MGAT4C: variants seen among roughly 807,000 people sequenced by gnomAD.
MGAT4C encodes MGAT4 family member C, also known as alpha-1,3-mannosyl-glycoprotein 4-beta-N-acetylglucosaminyltransferase C.
A neutral mutation model predicts 40.1 loss-of-function variants in MGAT4C; 19 were observed. The ratio of observed to expected loss-of-function variants is 0.47; its 90% CI spans 0.33 to 0.70. The LOEUF is 0.70. MGAT4C is among the 30% of genes least tolerant of loss of function. The pLI, the probability that MGAT4C is intolerant of heterozygous loss-of-function variation, is 0.02. For synonymous variants in MGAT4C, 181 were observed against 187.1 expected, an observed-to-expected ratio of 0.97 and a Z score of 0.27; for missense variants, 491 against 563.2, an observed-to-expected ratio of 0.87 and a Z score of 1.30.
At chr12:86,805,225 C>T (rs1566001817) in intron 1 of MGAT4C, among the ~76,000 whole-genome samples, 1 of 151,578 alleles carries the variant, frequency 6.6e-6, no homozygotes. Context: ...TTGTTTTTTA[C>T]TTTTATTTTA....
intron 2 of MGAT4C, among the ~76,000 whole-genome samples, chr12:86,641,082 C>T (rs527522614): frequency 2.6e-5 from 4 of 151,426 alleles, no homozygotes; most frequent in South Asian, 4.2e-4. Context: ...ATGTTTATTG[C>T]GGCACTATTC....
chr12:86,495,161 T>C (rs1430717112), intron 2 of MGAT4C: 1 of 152,032 alleles, frequency 6.6e-6, no homozygotes, highest in Non-Finnish European at 1.5e-5. Context: ...TCAATAGGTA[T>C]AGAACGCAGA....
intron 1 of MGAT4C, among the ~76,000 whole-genome samples, chr12:86,113,437 G>T (rs1190551863): frequency 1.3e-5 from 2 of 151,678 alleles, no homozygotes; most frequent in Non-Finnish European, 2.9e-5. Flanking sequence ...GGGATTTTTT[G>T]TGTGGATGCT....
chr12:86,056,979 A>C (rs1431809272), intron 1 of MGAT4C, among the ~76,000 whole-genome samples: 2 of 152,060 alleles, frequency 1.3e-5, no homozygotes, highest in African/African-American at 4.8e-5. Context: ...AAACATACTA[A>C]TATTGGAGAA....
intron 2 of MGAT4C, among the ~76,000 whole-genome samples, chr12:86,013,387 G>T (rs375188926): frequency 6.6e-6 from 1 of 152,064 alleles, no homozygotes; most frequent in South Asian, 2.1e-4. Context: ...GACTACAGGC[G>T]CCTGCCACCA....
At chr12:86,453,098 C>T (rs552701635) in intron 2 of MGAT4C, among the ~76,000 whole-genome samples, 44 of 152,172 alleles carry the variant, frequency 2.9e-4, no homozygotes, top group African/African-American at 1.1e-3. Context: ...TTTAAACTCT[C>T]CTGGTTTTTC....
At chr12:86,214,441 G>T (rs1950592949) in intron 1 of MGAT4C, among the ~76,000 whole-genome samples, 1 of 152,150 alleles carries the variant, frequency 6.6e-6, no homozygotes, top group Non-Finnish European at 1.5e-5. Flanking sequence ...GATTTTGTCT[G>T]TCTTTGTCTG....
At chr12:86,409,839 G>T (rs965305566) in intron 3 of MGAT4C, among the ~76,000 whole-genome samples, 2 of 151,992 alleles carry the variant, frequency 1.3e-5, no homozygotes, top group African/African-American at 4.8e-5. Flanking sequence ...TTCAATGTAG[G>T]TATTTCGATT....
chr12:86,451,439 C>G (rs1957424148), intron 2 of MGAT4C, among the ~76,000 whole-genome samples: 1 of 152,136 alleles, frequency 6.6e-6, no homozygotes, highest in Non-Finnish European at 1.5e-5. Flanking sequence ...TGAGAACAAA[C>G]TAATACACAA....
chr12:86,194,984 A>AT (rs1949744832), intron 1 of MGAT4C, among the ~76,000 whole-genome samples: 2 of 152,212 alleles, frequency 1.3e-5, no homozygotes, highest in African/African-American at 2.4e-5. Context: ...GCTAAAATTA[A>AT]AATATCAGCA....
chr12:86,203,202 T>A (rs839153), intron 1 of MGAT4C, among the ~76,000 whole-genome samples: 1 of 151,928 alleles, frequency 6.6e-6, no homozygotes, highest in African/African-American at 2.4e-5. Flanking sequence ...GCTTTAGTTA[T>A]GATGTCTTTA....
intron 1 of MGAT4C, among the ~76,000 whole-genome samples, chr12:86,075,292 T>C (rs1412682365): frequency 6.6e-6 from 1 of 152,186 alleles, no homozygotes; most frequent in African/African-American, 2.4e-5. Context: ...AGTCCCAAAA[T>C]GATCTCTCTT....
chr12:86,732,938 T>C (rs1252240395), intron 1 of MGAT4C, among the ~76,000 whole-genome samples: 4 of 152,090 alleles, frequency 2.6e-5, no homozygotes, highest in Admixed American at 6.6e-5. Flanking sequence ...ATGTGGTCCT[T>C]TTCCCCCAGC....
At chr12:86,729,184 A>C (rs1464823402) in intron 1 of MGAT4C, among the ~76,000 whole-genome samples, 1 of 152,158 alleles carries the variant, frequency 6.6e-6, no homozygotes, top group Non-Finnish European at 1.5e-5. Flanking sequence ...AAATCATTTA[A>C]TTGTACATTT....
At chr12:86,720,225 A>G (rs11104053) in intron 2 of MGAT4C, among the ~76,000 whole-genome samples, 6,930 of 152,158 alleles carry the variant, frequency 0.046, 183 homozygotes, top group Non-Finnish European at 0.049. Context: ...TGGCATCCTC[A>G]GGGTTGCTGG....
At chr12:86,763,245 C>A (rs999522250) in intron 1 of MGAT4C, among the ~76,000 whole-genome samples, 3 of 152,284 alleles carry the variant, frequency 2.0e-5, no homozygotes, top group East Asian at 3.9e-4. Flanking sequence ...GGCTTATAAA[C>A]AAAATTATGA....
chr12:86,138,784 C>T (rs1003719957), intron 1 of MGAT4C, among the ~76,000 whole-genome samples: 1 of 151,622 alleles, frequency 6.6e-6, no homozygotes, highest in Non-Finnish European at 1.5e-5. Flanking sequence ...CTGGCTTAAG[C>T]GGGCATTCAG....
intron 1 of MGAT4C, among the ~76,000 whole-genome samples, chr12:86,731,239 T>C (rs1283834840): frequency 6.6e-6 from 1 of 152,146 alleles, no homozygotes; most frequent in African/African-American, 2.4e-5. Context: ...TGGTTTTTAG[T>C]AGTAGTTCTA....
At chr12:86,046,028 A>C (rs373682000) in intron 2 of MGAT4C, among the ~76,000 whole-genome samples, 2 of 152,212 alleles carry the variant, frequency 1.3e-5, no homozygotes, top group Admixed American at 1.3e-4. Flanking sequence ...TTTAGGTGAC[A>C]GCAGTATTAC....
Sources: gnomAD v4.1 joint callset for allele counts (sites outside exome capture counted in the v4.1 genomes callset) on GRCh38, gnomAD v4.1.1 for gene constraint, MANE v1.5 for transcripts, NCBI Gene and HGNC (gene_info 2026-07-23, HGNC 2026-07-21) for gene names.